Variants in DIAPH3 observed in about 807,000 individuals in gnomAD.
DIAPH3 encodes the protein diaphanous related formin 3.
Under a neutral mutation model 144.3 loss-of-function variants are expected in DIAPH3, and 117 were observed. That is an observed-to-expected ratio of 0.81 (90% CI 0.70 to 0.95). The LOEUF (loss-of-function observed/expected upper bound fraction) is 0.95, where lower values mean the gene tolerates loss of function less well. DIAPH3 is among the 40% of genes least tolerant of loss of function. The probability of loss-of-function intolerance (pLI) is 0.00; values close to 1 mark genes in which losing one functional copy is unlikely to be tolerated. For synonymous variants in DIAPH3, 519 were observed against 488.9 expected, an observed-to-expected ratio of 1.06 and a Z score of -0.81; for missense variants, 1,421 against 1,412.7, an observed-to-expected ratio of 1.01 and a Z score of -0.09.
chr13:60,114,249 T>C (rs1030679568), intron 2 of DIAPH3, among the ~76,000 whole-genome samples: 2 of 148,798 alleles, frequency 1.3e-5, no homozygotes, highest in Non-Finnish European at 3.0e-5. Context: ...ATGAATAATT[T>C]CAGCAGCAAA....
At chr13:60,029,529 AAGTG>A (rs2054630505) in intron 5 of DIAPH3, among the ~76,000 whole-genome samples, 1 of 152,164 alleles carries the variant, frequency 6.6e-6, no homozygotes, top group Non-Finnish European at 1.5e-5. Flanking sequence ...AGTCTCTTGA[AAGTG>A]AGTGAGTTCT....
At position 59,924,885 on chromosome 13, in the gene DIAPH3, T is replaced by G; in HGVS notation, c.2075-15A>C. ...TTCTCTTCTCTCTGTAAAACCAAGA[T>G]AGATCCATGTTAGGGGCAGCAATTC... On this transcript the variant is annotated splice_polypyrimidine_tract_variant and intron_variant, in intron 17 of 27. Coordinates refer to ENST00000400324, the MANE Select transcript of DIAPH3 (RefSeq NM_001042517.2). 6.3e-7 allele frequency: 1 copy of G among 1,595,172 alleles called. No individual in the cohort carries two copies. Among genetic ancestry groups the G allele is most frequent in the South Asian group, 1.1e-5 (1 of 90,528 alleles).
intron 27 of DIAPH3, among the ~76,000 whole-genome samples, chr13:59,711,716 A>G (rs945408398): frequency 6.6e-6 from 1 of 152,234 alleles, no homozygotes; most frequent in Non-Finnish European, 1.5e-5. Flanking sequence ...TTTTTGGCCT[A>G]TGTTCCTATA....
At chr13:59,958,225 T>C (rs1317395527) in intron 17 of DIAPH3, among the ~76,000 whole-genome samples, 1 of 152,170 alleles carries the variant, frequency 6.6e-6, no homozygotes, top group East Asian at 1.9e-4. Flanking sequence ...ATTTTCCATG[T>C]TGTGATAAAA....
chr13:60,084,007 C>CAGACAGATAGAT (rs1157135465), intron 4 of DIAPH3, among the ~76,000 whole-genome samples: 2 of 136,460 alleles, frequency 1.5e-5, no homozygotes, highest in African/African-American at 5.5e-5. Context: ...GATAGATAGA[C>CAGACAGATAGAT]AGATAGATAG....
chr13:59,705,657 T>C (rs1046504474), intron 27 of DIAPH3, among the ~76,000 whole-genome samples: 1 of 152,238 alleles, frequency 6.6e-6, no homozygotes, highest in African/African-American at 2.4e-5. Flanking sequence ...TACGTTAGTG[T>C]TTTCTTTCAT....
chr13:59,763,506 G>T (rs999624254), intron 27 of DIAPH3, among the ~76,000 whole-genome samples: 1 of 151,934 alleles, frequency 6.6e-6, no homozygotes, highest in Non-Finnish European at 1.5e-5. Flanking sequence ...GTGAGACTCT[G>T]TCTTCACAAA....
intron 25 of DIAPH3, among the ~76,000 whole-genome samples, chr13:59,789,070 G>A (rs965382062): frequency 1.3e-5 from 2 of 152,226 alleles, no homozygotes; most frequent in Non-Finnish European, 2.9e-5. Context: ...TCGACCTTGT[G>A]TGTTATGTAG....
At chr13:59,933,115 T>G (rs1368581832) in intron 17 of DIAPH3, among the ~76,000 whole-genome samples, 1 of 152,190 alleles carries the variant, frequency 6.6e-6, no homozygotes, top group Non-Finnish European at 1.5e-5. Flanking sequence ...AGAATGAAGT[T>G]TTTGTACAAA....
rs529861101 is a variant in DIAPH3 at position 59,922,103 on chromosome 13, T to C, written c.2170+2672A>G. Among the ~76,000 whole-genome samples, 8 of 152,142 alleles carry C rather than the reference T, an allele frequency of 5.3e-5. No homozygotes were observed. In the South Asian group the frequency reaches 1.2e-3, roughly 24 times the overall value. ...TATGACAAACATACAGCTATCATCA[T>C]AACAAACAGAAAAGTTGAAAGCTTT... On this transcript the variant is annotated intron_variant, in intron 18 of 27. Coordinates refer to ENST00000400324, the MANE Select transcript of DIAPH3 (RefSeq NM_001042517.2).
chr13:59,695,441 C>T (rs1003382289), intron 27 of DIAPH3: 1 of 152,144 alleles, frequency 6.6e-6, no homozygotes, highest in African/African-American at 2.4e-5. Flanking sequence ...CCAGATGGTT[C>T]CTCCCTTCAA....
intron 24 of DIAPH3, among the ~76,000 whole-genome samples, chr13:59,828,235 C>T (rs528844927): frequency 6.6e-6 from 1 of 152,116 alleles, no homozygotes; most frequent in African/African-American, 2.4e-5. Flanking sequence ...CTATCCTTCA[C>T]CTTATCCTTC....
intron 1 of DIAPH3, among the ~76,000 whole-genome samples, chr13:60,159,522 G>C (rs1015111057): frequency 6.6e-6 from 1 of 151,968 alleles, no homozygotes; most frequent in African/African-American, 2.4e-5. Flanking sequence ...TTACTAGAAG[G>C]CTGAGGCAGG....
intron 19 of DIAPH3, among the ~76,000 whole-genome samples, chr13:59,913,784 C>T (rs1363435256): frequency 6.6e-6 from 1 of 151,878 alleles, no homozygotes; most frequent in Non-Finnish European, 1.5e-5. Flanking sequence ...ATGGTGAAAC[C>T]CCATTTCTAC....
intron 27 of DIAPH3, among the ~76,000 whole-genome samples, chr13:59,667,274 A>G (rs747615307): frequency 2.0e-5 from 3 of 152,198 alleles, no homozygotes; most frequent in African/African-American, 4.8e-5. Context: ...ATGGCTGGAC[A>G]CACAATATAT....
At chr13:59,757,910 T>C (rs557118292) in intron 27 of DIAPH3, among the ~76,000 whole-genome samples, 14 of 152,272 alleles carry the variant, frequency 9.2e-5, no homozygotes, top group African/African-American at 3.1e-4. Flanking sequence ...AATGGCAGCA[T>C]TGAAAAATCA....
chr13:59,997,671 T>C (rs75799864), intron 9 of DIAPH3, among the ~76,000 whole-genome samples: 5,584 of 152,144 alleles, frequency 0.037, 134 homozygotes, highest in East Asian at 0.075. Context: ...CTGAGCCCCA[T>C]CCACGAGGAC....
At position 59,842,493 on chromosome 13, in the gene DIAPH3, T is replaced by C. The variant is rs1005110207; in HGVS notation, c.2738-3045A>G. ...CTAATTCTCCAATACCAACTGGGTGTCCTACAATTGGAGTTAGTGCAGACT... is the reference window on the plus strand; with the variant it reads ...CTAATTCTCCAATACCAACTGGGTGCCCTACAATTGGAGTTAGTGCAGACT... On this transcript the variant is annotated intron_variant, in intron 22 of 27. Coordinates refer to ENST00000400324, the MANE Select transcript of DIAPH3 (RefSeq NM_001042517.2). 4.7e-4 allele frequency among the ~76,000 whole-genome samples: 71 copies of C among 152,134 alleles called. 2 individuals are homozygous for C. The highest frequency in any genetic ancestry group is 7.2e-5 in the African/African-American group (3 of 41,452).
chr13:60,158,298 G>A (rs1952122892), intron 1 of DIAPH3, among the ~76,000 whole-genome samples: 1 of 152,174 alleles, frequency 6.6e-6, no homozygotes, highest in Non-Finnish European at 1.5e-5. Context: ...ATCTTTCTCA[G>A]AATTCCCCAG....
Sources: gnomAD v4.1 joint callset for allele counts (sites outside exome capture counted in the v4.1 genomes callset) on GRCh38, gnomAD v4.1.1 for gene constraint, MANE v1.5 for transcripts, NCBI Gene and HGNC (gene_info 2026-07-23, HGNC 2026-07-21) for gene names.